Variants in MCCC2 observed in about 807,000 individuals in gnomAD.
The protein encoded by MCCC2 is methylcrotonoyl-CoA carboxylase beta chain, mitochondrial.
MCCC2 carries 52 observed loss-of-function variants against 77.2 expected under a neutral mutation model. The observed-to-expected ratio is 0.67, with a 90% confidence interval of 0.54 to 0.85. The LOEUF (loss-of-function observed/expected upper bound fraction) is 0.85. MCCC2 is among the 40% of genes least tolerant of loss of function. The pLI is 0.00. For missense variants in MCCC2, 682 were observed against 703.2 expected, an observed-to-expected ratio of 0.97 and a Z score of 0.34; for synonymous variants, 253 against 248.4, an observed-to-expected ratio of 1.02 and a Z score of -0.18.
At chr5:71,596,223 C>G in intron 2 of MCCC2, 57 bp from the exon 3 acceptor site, 1 of 1,432,900 alleles carries the variant, frequency 7.0e-7, no homozygotes, top group Non-Finnish European at 9.9e-7. Context: ...GTTTTTCTGG[C>G]ATTGAGACCT....
chr5:71,626,710 T>C lies in MCCC2; in HGVS notation c.695T>C (p.Ile232Thr). 6.2e-7 allele frequency: 1 copy of C among 1,614,152 alleles called. No individual in the cohort carries two copies. Among genetic ancestry groups the C allele is most frequent in the Non-Finnish European group, 8.5e-7 (1 of 1,180,026 alleles). The change falls in exon 7 of 17, where the codon ATT becomes ACT. Residue 232 changes from isoleucine (I) to threonine (T), a missense_variant. Ile to Thr is a moderately conservative substitution (Grantham distance 89, BLOSUM62 -1). Transcript: ENST00000340941. ...CCTGCCATGGCTGATGAAAACATCA[T>C]TGTACGCAAGCAGGGTACCATTTTC... is the stretch of plus-strand genomic sequence containing the variant. ...YVPAMADENI[I>T]VRKQGTIFLA...
intron 6 of MCCC2, 90 bp downstream of exon 6, chr5:71,604,558 AC>A: frequency 1.1e-6 from 1 of 943,714 alleles, no homozygotes; most frequent in Non-Finnish European, 1.7e-6. Context: ...TGAAAGTAAA[AC>A]AGAATTTAAC....
At chr5:71,589,433 A>G (rs1033228350) in intron 1 of MCCC2, among the ~76,000 whole-genome samples, 1 of 152,256 alleles carries the variant, frequency 6.6e-6, no homozygotes, top group South Asian at 2.1e-4. Context: ...GGGTAGGTTC[A>G]GGTCTGCTCC....
chr5:71,639,708 T>C (rs1275389870), intron 10 of MCCC2, among the ~76,000 whole-genome samples: 1 of 152,248 alleles, frequency 6.6e-6, no homozygotes, highest in Non-Finnish European at 1.5e-5. Flanking sequence ...CCTAAATTGC[T>C]GTGCCCTTTG....
At chr5:71,643,575 A>T (rs1476158625) in intron 11 of MCCC2, among the ~76,000 whole-genome samples, 1 of 152,236 alleles carries the variant, frequency 6.6e-6, no homozygotes, top group Non-Finnish European at 1.5e-5. Flanking sequence ...ATTTAATCAA[A>T]TCAATCAAGA....
chr5:71,642,530 C>T (rs1033126693), intron 11 of MCCC2, among the ~76,000 whole-genome samples: 1 of 152,214 alleles, frequency 6.6e-6, no homozygotes, highest in Non-Finnish European at 1.5e-5. Context: ...CTACTCAGCG[C>T]ATCCTGTCTG....
At position 71,639,258 on chromosome 5, in the gene MCCC2, T is replaced by A. The variant is rs562648964; in HGVS notation, c.1000-1745T>A. Among the ~76,000 whole-genome samples, 38 of 152,276 alleles carry A rather than the reference T, an allele frequency of 2.5e-4. No homozygotes were observed. In the Middle Eastern group the frequency reaches 0.01, roughly 41 times the overall value. Reference sequence around the variant, plus strand: ...GGCATCTTCTTCCACCAGAAGGCTGTTTCATCTACACTGAAAATCTGTTGT... The same window carrying A: ...GGCATCTTCTTCCACCAGAAGGCTGATTCATCTACACTGAAAATCTGTTGT... On this transcript the variant is annotated intron_variant, in intron 10 of 16. Coordinates refer to ENST00000340941, the MANE Select transcript of MCCC2 (RefSeq NM_022132.5).
intron 2 of MCCC2, among the ~76,000 whole-genome samples, chr5:71,595,543 AT>A (rs1745151352): frequency 6.6e-6 from 1 of 152,192 alleles, no homozygotes; most frequent in Non-Finnish European, 1.5e-5. Flanking sequence ...GACAAAGACT[AT>A]ATTAAGATGA....
chr5:71,617,216 C>T (rs1428802794), intron 6 of MCCC2, among the ~76,000 whole-genome samples: 2 of 152,140 alleles, frequency 1.3e-5, no homozygotes, highest in African/African-American at 4.8e-5. Context: ...CCATGCTGGT[C>T]CTCTTTCCCC....
rs1247883051 is a variant in MCCC2 at position 71,644,066 on chromosome 5, TGTGTGC to T, written c.1149+173_1149+178del. On this transcript the variant is annotated intron_variant, in intron 12 of 16. Transcript: ENST00000340941. The stretch of plus-strand genomic sequence containing the variant: ...GTGTGTGTGTGTGTGTGTGTGTGTG[TGTGTGC>T]GCGCGTGTGTATATATGTGCATGTA... Among the ~76,000 whole-genome samples, 1,645 of 139,772 alleles carry T rather than the reference TGTGTGC, an allele frequency of 0.012. 34 individuals are homozygous for T. Among genetic ancestry groups the T allele is most frequent in the African/African-American group, 0.049 (1,563 of 31,684 alleles). The allele number at this position is 139,772 out of a possible 152,430, so 91.7% of individuals were successfully genotyped here.
intron 6 of MCCC2, among the ~76,000 whole-genome samples, chr5:71,620,881 T>C (rs1317793938): frequency 6.6e-6 from 1 of 152,182 alleles, no homozygotes; most frequent in South Asian, 2.1e-4. Flanking sequence ...TCTCTGTTTG[T>C]TCCTGTCACA....
At chr5:71,627,141 G>T (rs277996) in intron 7 of MCCC2, among the ~76,000 whole-genome samples, 66,733 of 152,046 alleles carry the variant, frequency 0.44, 14,893 homozygotes, top group South Asian at 0.47. Context: ...CGTCTTCATG[G>T]TTCTTCTATA....
intron 8 of MCCC2, among the ~76,000 whole-genome samples, chr5:71,634,699 A>G (rs1051029619): frequency 6.6e-6 from 1 of 152,202 alleles, no homozygotes; most frequent in African/African-American, 2.4e-5. Flanking sequence ...TTGTGGTCTT[A>G]GGTGAAGGTA....
intron 6 of MCCC2, 112 bp downstream of exon 6, chr5:71,604,580 A>AT: frequency 1.2e-6 from 1 of 811,412 alleles, no homozygotes; most frequent in Non-Finnish European, 2.0e-6. Context: ...ACAAAATCTA[A>AT]TCTTTTTTTT....
intron 14 of MCCC2, 120 bp downstream of exon 14, chr5:71,649,373 C>T: frequency 1.0e-6 from 1 of 983,214 alleles, no homozygotes; most frequent in Non-Finnish European, 1.6e-6. Flanking sequence ...ATCAATTATA[C>T]CGTAATTTGT....
At chr5:71,588,415 C>T (rs538129418) in intron 1 of MCCC2, among the ~76,000 whole-genome samples, 1 of 152,222 alleles carries the variant, frequency 6.6e-6, no homozygotes, top group South Asian at 2.1e-4. Context: ...TCACTGTGTT[C>T]CCACGATTTC....
intron 6 of MCCC2, among the ~76,000 whole-genome samples, chr5:71,625,985 T>G (rs1187441871): frequency 6.6e-6 from 1 of 152,196 alleles, no homozygotes; most frequent in Non-Finnish European, 1.5e-5. Context: ...AACCTATATT[T>G]ATTATTCTTT....
In MCCC2 at chr5:71,650,279, A is replaced by G. The variant is rs1580332537; in HGVS notation, c.1488+96A>G. On this transcript the variant is annotated intron_variant, in intron 15 of 16. Transcript: ENST00000340941. ...GCGTGCCTGGAAGCCCTTGGTGTTC[A>G]TGGCTGGGGACCTGGCGCACACTGC... The G allele has an allele frequency of 5.1e-6, 5 of 983,820 alleles. No individual in the cohort carries two copies. In the East Asian group the frequency reaches 1.2e-4, roughly 24 times the overall value. The allele number at this position is 983,820 out of a possible 1,614,324, so 60.9% of individuals were successfully genotyped here. A position where few individuals can be genotyped will look rare whatever the true frequency, so the allele number is the denominator to read the frequency against.
intron 14 of MCCC2, 57 bp downstream of exon 14, chr5:71,649,310 G>C (rs1004212484): frequency 6.7e-7 from 1 of 1,500,124 alleles, no homozygotes; most frequent in Non-Finnish European, 9.3e-7. Context: ...TAAAATACAT[G>C]GTCAGTTTAT....
Sources: gnomAD v4.1 joint callset for allele counts (sites outside exome capture counted in the v4.1 genomes callset) on GRCh38, gnomAD v4.1.1 for gene constraint, MANE v1.5 for transcripts, NCBI Gene and HGNC (gene_info 2026-07-23, HGNC 2026-07-21) for gene names.